The following MYH4 variants were observed in gnomAD, a reference collection of about 807,000 sequenced individuals.
MYH4 encodes myosin heavy chain 4, also known as myosin-4.
MYH4 carries 200 observed loss-of-function variants against 229.9 expected under a neutral mutation model. That is an observed-to-expected ratio of 0.87 (90% CI 0.78 to 0.98). The LOEUF is 0.98. Ranked by LOEUF, MYH4 falls within the 50% of genes least tolerant of loss-of-function variation. The pLI is 0.00. For missense variants in MYH4, 2,148 were observed against 2,332.6 expected (o/e 0.92, Z 1.63); for synonymous variants, 761 against 834.6 (o/e 0.91, Z 1.52).
In MYH4 at chr17:10,463,539, C is replaced by G. The variant is rs776524597; in HGVS notation, c.741+12G>C. The G allele has an allele frequency of 6.2e-7, 1 of 1,608,032 alleles. No homozygotes were observed. The highest frequency in any genetic ancestry group is 1.1e-5 in the South Asian group (1 of 90,852). ...TGCTGATCCTCAAGAAAATGAAGAT[C>G]AAGAGACTTACAAAGCGAGAGGAGT... On this transcript the variant is annotated intron_variant, in intron 8 of 39. Coordinates refer to ENST00000255381, the MANE Select transcript of MYH4 (RefSeq NM_017533.2).
intron 33 of MYH4, 79 bp from the exon 34 acceptor site, chr17:10,448,205 G>GTAT: frequency 7.0e-7 from 1 of 1,421,536 alleles, no homozygotes; most frequent in Non-Finnish European, 9.4e-7. Context: ...CCCCAAGAAG[G>GTAT]CATTAAAAAA....
intron 2 of MYH4, among the ~76,000 whole-genome samples, chr17:10,467,545 A>G (rs957777316): frequency 2.0e-5 from 3 of 152,246 alleles, no homozygotes; most frequent in African/African-American, 4.8e-5. Context: ...CTTGGAGAAA[A>G]GGAACTTCTT....
At chr17:10,457,309 G>A in intron 16 of MYH4, 111 bp downstream of exon 16, 1 of 1,193,260 alleles carries the variant, frequency 8.4e-7, no homozygotes, top group Admixed American at 2.6e-5. Context: ...CATTAGGCAT[G>A]TATTGGCCAG....
chr17:10,446,695 T>C (rs1041329990), intron 35 of MYH4, among the ~76,000 whole-genome samples: 3 of 152,216 alleles, frequency 2.0e-5, no homozygotes, highest in African/African-American at 7.2e-5. Flanking sequence ...TTTATTTGCC[T>C]ATCTTTTTGT....
At chr17:10,458,883 G>A (rs1330883583) in intron 15 of MYH4, among the ~76,000 whole-genome samples, 1 of 152,098 alleles carries the variant, frequency 6.6e-6, no homozygotes, top group Admixed American at 6.5e-5. Flanking sequence ...TACACATGAG[G>A]GATGATGATA....
rs1267988018 is a variant in MYH4 at position 10,455,620 on chromosome 17, T to C, written c.2168A>G (p.Lys723Arg). The change falls in exon 19 of 40, where the codon AAA (lysine) becomes AGA (arginine). Residue 723 changes from lysine to arginine, a missense_variant. By Grantham distance (26) the Lys-to-Arg change is conservative. Transcript: ENST00000255381. ...AAAATAATGAGACACAAACCTCTGT[T>C]TGAAGTCTGCATAAAGGATTCTGCT... ...FPSRILYADF[K>R]QRYKVLNASA... The C allele has an allele frequency of 6.2e-7, 1 of 1,614,046 alleles. No individual in the cohort carries two copies. The highest frequency in any genetic ancestry group is 2.2e-5 in the East Asian group (1 of 44,890).
Position 10,453,132 on chromosome 17 carries a change from A to G in MYH4, c.3111+20T>C, listed in dbSNP as rs981054174. On this transcript the variant is annotated intron_variant, in intron 24 of 39. Coordinates refer to ENST00000255381, the MANE Select transcript of MYH4 (RefSeq NM_017533.2). Reference sequence around the variant, plus strand: ...TGTTTATTTCATTGCAAGGGGAAACATTTTCTTTTTCACACTTACATCGTC... The same window carrying G: ...TGTTTATTTCATTGCAAGGGGAAACGTTTTCTTTTTCACACTTACATCGTC... 8.1e-6 allele frequency: 13 copies of G among 1,613,788 alleles called. No homozygotes were observed. The highest frequency in any genetic ancestry group is 1.1e-5 in the Non-Finnish European group (13 of 1,179,884).
At position 10,466,616 on chromosome 17, in the gene MYH4, T is replaced by C; in HGVS notation, c.130A>G (p.Lys44Glu). The change falls in exon 3 of 40, where the codon AAG (lysine) becomes GAG (glutamate). Residue 44 changes from lysine to glutamate, a missense_variant. Physicochemically the swap from Lys to Glu is moderately conservative, Grantham distance 56 (BLOSUM62 1). Transcript: ENST00000255381. The part of the protein sequence containing the change: ...AKTSVFVVDP[K>E]ESYVKAIVQS... ...ACTATTGCTTTCACGTAGGACTCCTTAGGGTCCACCACAAAGACTGATGTC... is the reference window on the plus strand; with the variant it reads ...ACTATTGCTTTCACGTAGGACTCCTCAGGGTCCACCACAAAGACTGATGTC... 6 of 1,614,080 alleles carry C rather than the reference T, an allele frequency of 3.7e-6. No homozygotes were observed. Among genetic ancestry groups the C allele is most frequent in the Non-Finnish European group, 5.1e-6 (6 of 1,180,014 alleles).
chr17:10,454,971 C>G lies in MYH4; in HGVS notation c.2405G>C (p.Arg802Thr). Residue 802 changes from arginine (R) to threonine (T), a missense_variant, in exon 21 of 40, where the codon AGA becomes ACA. Coordinates refer to ENST00000255381, the MANE Select transcript of MYH4 (RefSeq NM_017533.2). The stretch of plus-strand genomic sequence containing the variant: ...CTCCATCATCTTTCTGAACTCCACT[C>G]TCATCAGGAACCCTCTGCATATGGC... The part of the protein sequence containing the change: ...TQAICRGFLM[R>T]VEFRKMMERR... 1 of 1,614,202 alleles carries G rather than the reference C, an allele frequency of 6.2e-7. No individual in the cohort carries two copies. The highest frequency in any genetic ancestry group is 1.3e-5 in the African/African-American group (1 of 75,040).
intron 35 of MYH4, 127 bp from the exon 36 acceptor site, chr17:10,445,489 G>A (rs35747402): frequency 0.16 from 206,011 of 1,257,380 alleles, 19,707 homozygotes; most frequent in Non-Finnish European, 0.19. Flanking sequence ...AACCAAATTA[G>A]AAGATAATTC....
chr17:10,451,376 CGTT>C lies in MYH4; in HGVS notation c.3812_3814del (p.Gln1271del). The C allele has an allele frequency of 6.2e-7, 1 of 1,613,930 alleles. No individual in the cohort carries two copies. The highest frequency in any genetic ancestry group is 8.5e-7 in the Non-Finnish European group (1 of 1,179,918). ...CTGGGCTGACAACTCATTTATTAAG[CGTT>C]GTTGCTCTTCTTCCTTTGTTTTTAT... On this transcript the variant is annotated inframe_deletion, in exon 28 of 40. Transcript: ENST00000255381.
chr17:10,457,380 T>G (rs1369423253), intron 16 of MYH4, 40 bp downstream of exon 16: 1 of 1,544,540 alleles, frequency 6.5e-7, no homozygotes, highest in African/African-American at 1.4e-5. Flanking sequence ...GTATATCTAT[T>G]TTGTGACTCT....
chr17:10,451,941 C>G lies in MYH4; in HGVS notation c.3738G>C (p.Lys1246Asn), dbSNP rs751028346. ...ASNMETVSKA[K>N]ANFEKMCRTL... Reference sequence around the variant, plus strand: ...GAAAAGGGCACAAGTTAATGAAGACCTTGGCTTTGGAGACAGTCTCCATGT... The same window carrying G: ...GAAAAGGGCACAAGTTAATGAAGACGTTGGCTTTGGAGACAGTCTCCATGT... The change falls in exon 27 of 40, where the codon AAG becomes AAC. Residue 1246 changes from lysine (K) to asparagine (N), a missense_variant and splice_region_variant. Transcript: ENST00000255381. 2 of 1,598,006 alleles carry G rather than the reference C, an allele frequency of 1.3e-6. No homozygotes were observed. Among genetic ancestry groups the G allele is most frequent in the African/African-American group, 2.7e-5 (2 of 74,538 alleles).
At position 10,450,612 on chromosome 17, in the gene MYH4, C is replaced by T. The variant is rs757847488; in HGVS notation, c.4022G>A (p.Arg1341His). The T allele has an allele frequency of 1.1e-5, 18 of 1,614,064 alleles. No individual in the cohort carries two copies. The highest frequency in any genetic ancestry group is 8.3e-5 in the Admixed American group (5 of 60,004). The part of the protein sequence containing the change: ...STLAHALQSA[R>H]HDCDLLREQY... The stretch of plus-strand genomic sequence containing the variant: ...TTCCCGCAGCAGGTCACAGTCATGG[C>T]GGGCTGACTGCAGGGCATGGGCCAG... Residue 1341 changes from arginine (R) to histidine (H), a missense_variant, in exon 30 of 40, where the codon CGC (arginine) becomes CAC (histidine). Coordinates refer to ENST00000255381, the MANE Select transcript of MYH4 (RefSeq NM_017533.2).
chr17:10,468,774 G>C (rs950875298), intron 2 of MYH4, among the ~76,000 whole-genome samples: 5 of 152,186 alleles, frequency 3.3e-5, no homozygotes, highest in Non-Finnish European at 7.3e-5. Context: ...AAAGGTTCAG[G>C]GTCATTCAGT....
Position 10,460,078 on chromosome 17 carries a change from C to T in MYH4, c.1290G>A (p.Leu430=), listed in dbSNP as rs1316423281. ...VQQVYNAVGA[L]AKAIYEKMFL... is the part of the protein sequence containing the mutation. Reference sequence around the variant, plus strand: ...ACATCTTCTCGTAGATGGCTTTGGCCAGAGCACCCACTGCATTGTACACCT... The same window carrying T: ...ACATCTTCTCGTAGATGGCTTTGGCTAGAGCACCCACTGCATTGTACACCT... Residue 430 remains leucine, a synonymous_variant, in exon 14 of 40, where the codon CTG becomes CTA. Coordinates refer to ENST00000255381, the MANE Select transcript of MYH4 (RefSeq NM_017533.2). The T allele has an allele frequency of 1.2e-6, 2 of 1,614,144 alleles. No individual in the cohort carries two copies. The highest frequency in any genetic ancestry group is 3.3e-5 in the Admixed American group (2 of 60,022).
chr17:10,456,971 C>T (rs1471722475), intron 16 of MYH4, among the ~76,000 whole-genome samples: 1 of 152,238 alleles, frequency 6.6e-6, no homozygotes, highest in Non-Finnish European at 1.5e-5. Flanking sequence ...CAGGGAAATC[C>T]TGGCTCCCAT....
chr17:10,465,443 A>G lies in MYH4; in HGVS notation c.504T>C (p.Thr168=), dbSNP rs1343413779. ...ATGGAAATTGTAATTCTCACTCACC[A>G]GTTAGCATGAACTGATAGGCATTGT... ...ISDNAYQFML[T]DRENQSILIT... is the part of the protein sequence containing the mutation. Residue 168 remains threonine, a splice_region_variant and synonymous_variant, in exon 5 of 40, where the codon ACT becomes ACC. Coordinates refer to ENST00000255381, the MANE Select transcript of MYH4 (RefSeq NM_017533.2). 6.2e-7 allele frequency: 1 copy of G among 1,613,562 alleles called. No homozygotes were observed.
chr17:10,466,999 G>A (rs575936661), intron 2 of MYH4, among the ~76,000 whole-genome samples: 1 of 152,282 alleles, frequency 6.6e-6, no homozygotes, highest in African/African-American at 2.4e-5. Context: ...TTAAGCCTAA[G>A]TTCCATCCTC....
Sources: gnomAD v4.1 joint callset for allele counts (sites outside exome capture counted in the v4.1 genomes callset) on GRCh38, gnomAD v4.1.1 for gene constraint, MANE v1.5 for transcripts, NCBI Gene and HGNC (gene_info 2026-07-23, HGNC 2026-07-21) for gene names.